SPATA7: variants seen among roughly 807,000 people sequenced by gnomAD.
SPATA7 encodes the protein spermatogenesis associated 7.
Under a neutral mutation model 51.8 loss-of-function variants are expected in SPATA7, and 43 were observed. The ratio of observed to expected loss-of-function variants is 0.83; its 90% CI spans 0.65 to 1.07. The LOEUF (loss-of-function observed/expected upper bound fraction) is 1.07, where lower values mean the gene tolerates loss of function less well. SPATA7 is among the 50% of genes least tolerant of loss of function. The pLI, the probability that SPATA7 is intolerant of heterozygous loss-of-function variation, is 0.00. For synonymous variants in SPATA7, 230 were observed against 252.8 expected (o/e 0.91, Z 0.86); for missense variants, 683 against 701.3 (o/e 0.97, Z 0.30).
Position 88,469,432 on chromosome 14 carries a change from T to G in SPATA7, c.255-415T>G. On this transcript the variant is annotated intron_variant, in intron 4 of 4. Coordinates refer to the SPATA7 transcript ENST00000556406. This position sits in a 1 kb window ranked among gnomAD's most constrained non-coding sequence, Gnocchi z 4.3. The stretch of plus-strand genomic sequence containing the variant: ...ACATAAAGGAAATATTTCGGAAACA[T>G]AAATGTTCCTCTCTGTTTAACACCT... 1 of 1,329,844 alleles carries G rather than the reference T, an allele frequency of 7.5e-7. No homozygotes were observed. Among genetic ancestry groups the G allele is most frequent in the Non-Finnish European group, 1.1e-6 (1 of 930,066 alleles). The allele number at this position is 1,329,844 out of a possible 1,614,324, so 82.4% of individuals were successfully genotyped here.
In SPATA7 at chr14:88,393,421, A is replaced by T. The variant is rs1163417502; in HGVS notation, c.123A>T (p.Arg41Ser). Residue 41 changes from arginine (R) to serine (S), a missense_variant, in exon 3 of 12, where the codon AGA becomes AGT. By Grantham distance (110) the Arg-to-Ser change is moderately radical. Transcript: ENST00000393545. The part of the protein sequence containing the change: ...NAFCTDSSSL[R>S]LSTLQLVKNH... ...TTTGCACTGACTCCTCTTCTCTCAG[A>T]CTAAGCACTCTCCAGCTGGTCAAGA... 3.7e-6 allele frequency: 6 copies of T among 1,603,726 alleles called. No individual in the cohort carries two copies. Among genetic ancestry groups the T allele is most frequent in the Non-Finnish European group, 5.1e-6 (6 of 1,174,180 alleles).
chr14:88,438,410 T>G lies in SPATA7; in HGVS notation c.1788T>G (p.Pro596=), dbSNP rs1325875445. 1 of 1,612,076 alleles carries G rather than the reference T, an allele frequency of 6.2e-7. No homozygotes were observed. Among genetic ancestry groups the G allele is most frequent in the Admixed American group, 1.7e-5 (1 of 59,924 alleles). ...KIMEMSIEDC[P]LDV ...TGGAAATGAGCATTGAGGACTGCCC[T>G]TTGGATGTTTAATCTTCATTAATAA... is the stretch of plus-strand genomic sequence containing the variant. Residue 596 remains proline, a synonymous_variant, in exon 12 of 12, where the codon CCT becomes CCG. Coordinates refer to ENST00000393545, the MANE Select transcript of SPATA7 (RefSeq NM_018418.5).
At chr14:88,452,644 G>A (rs368803538) in intron 3 of SPATA7, among the ~76,000 whole-genome samples, 3 of 152,182 alleles carry the variant, frequency 2.0e-5, no homozygotes, top group Admixed American at 6.5e-5. Context: ...GTTTCCACAC[G>A]CTGCTCTGTC....
chr14:88,435,469 A>G (rs1315402232), intron 10 of SPATA7, among the ~76,000 whole-genome samples: 1 of 152,138 alleles, frequency 6.6e-6, no homozygotes, highest in African/African-American at 2.4e-5. Context: ...TTTTAAATGT[A>G]CAATTAAGTT....
chr14:88,401,906 T>C (rs1290983825), intron 4 of SPATA7, among the ~76,000 whole-genome samples: 1 of 127,014 alleles, frequency 7.9e-6, no homozygotes, highest in Non-Finnish European at 1.7e-5. Context: ...ATATGTAGAA[T>C]ACCCTAATGC....
intron 5 of SPATA7, among the ~76,000 whole-genome samples, chr14:88,422,385 G>T (rs1448810843): frequency 6.6e-6 from 1 of 151,964 alleles, no homozygotes; most frequent in Non-Finnish European, 1.5e-5. Context: ...TGCTATCTGG[G>T]ATTCTGTTCC....
chr14:88,452,355 C>T (rs2077256370), intron 3 of SPATA7, among the ~76,000 whole-genome samples: 1 of 152,022 alleles, frequency 6.6e-6, no homozygotes, highest in Non-Finnish European at 1.5e-5. Context: ...TGTGAGGGTC[C>T]TTGGTTGTAT....
chr14:88,395,793 C>A (rs2075863258), intron 3 of SPATA7, among the ~76,000 whole-genome samples: 1 of 152,042 alleles, frequency 6.6e-6, no homozygotes, highest in Non-Finnish European at 1.5e-5. Context: ...ATCTTTAAGC[C>A]CCATGCCACA....
At chr14:88,409,153 A>G (rs2076272911) in intron 4 of SPATA7, among the ~76,000 whole-genome samples, 1 of 152,144 alleles carries the variant, frequency 6.6e-6, no homozygotes. Flanking sequence ...GTTGTTTGGA[A>G]TAGCTTCAAA....
At chr14:88,429,506 G>A (rs778044266) in intron 8 of SPATA7, 43 bp downstream of exon 8, 25 of 1,269,328 alleles carry the variant, frequency 2.0e-5, no homozygotes, top group South Asian at 6.0e-5. Flanking sequence ...GTCTTTAATT[G>A]CCTTCTTGTA....
intron 2 of SPATA7, 39 bp downstream of exon 2, chr14:88,391,494 TTGTC>T (rs760910788): frequency 8.4e-6 from 13 of 1,556,184 alleles, no homozygotes; most frequent in African/African-American, 5.4e-5. Flanking sequence ...TGTTAGAAGA[TTGTC>T]TGAGTGTTTC....
At chr14:88,460,312 T>G (rs1157798486) in intron 4 of SPATA7, among the ~76,000 whole-genome samples, 1 of 152,214 alleles carries the variant, frequency 6.6e-6, no homozygotes, top group Non-Finnish European at 1.5e-5. Context: ...GTTTTCCAAC[T>G]TGGTTCCATT....
At chr14:88,393,269 A>G (rs138133101) in intron 2 of SPATA7, 124 bp from the exon 3 acceptor site, 17 of 695,026 alleles carry the variant, frequency 2.4e-5, no homozygotes, top group Admixed American at 9.8e-5. Context: ...ACAATGTCAT[A>G]TATCAATATC....
chr14:88,431,421 A>G (rs2076937219), intron 9 of SPATA7, among the ~76,000 whole-genome samples, 196 bp downstream of exon 9: 1 of 152,202 alleles, frequency 6.6e-6, no homozygotes, highest in African/African-American at 2.4e-5. Context: ...TTTAATTAGC[A>G]TATCCATCAT....
intron 4 of SPATA7, among the ~76,000 whole-genome samples, chr14:88,461,426 G>T (rs1020091713): frequency 6.6e-6 from 1 of 152,164 alleles, no homozygotes; most frequent in Admixed American, 6.5e-5. Context: ...CCCTCCCCCA[G>T]CCTCGCTGCC....
In SPATA7 at chr14:88,469,076, G is replaced by T; in HGVS notation, c.255-771G>T. ...AACAGACTGGATCTCTTCAAGATAT[G>T]CTGTGGAAAATCAATGAAATAGAAA... On this transcript the variant is annotated intron_variant, in intron 4 of 4. Coordinates refer to the SPATA7 transcript ENST00000556406. This position sits in a 1 kb window ranked among gnomAD's most constrained non-coding sequence, Gnocchi z 4.3. 1 of 1,606,002 alleles carries T rather than the reference G, an allele frequency of 6.2e-7. No individual in the cohort carries two copies. Among genetic ancestry groups the T allele is most frequent in the Non-Finnish European group, 8.5e-7 (1 of 1,174,094 alleles).
chr14:88,398,081 C>CA (rs34493988), intron 4 of SPATA7, among the ~76,000 whole-genome samples: 34,874 of 139,192 alleles, frequency 0.25, 4,185 homozygotes, highest in East Asian at 0.31. Flanking sequence ...GACACCGTCT[C>CA]AAAAAAAAAA....
At chr14:88,451,486 A>T (rs781029827) in intron 3 of SPATA7, among the ~76,000 whole-genome samples, 1 of 148,700 alleles carries the variant, frequency 6.7e-6, no homozygotes, top group Admixed American at 6.7e-5. Context: ...TTTTTTACTT[A>T]TGCTATTTCA....
chr14:88,404,328 T>C (rs1454877543), intron 4 of SPATA7, among the ~76,000 whole-genome samples: 1 of 152,172 alleles, frequency 6.6e-6, no homozygotes, highest in Non-Finnish European at 1.5e-5. Flanking sequence ...CTTGACAAAA[T>C]GTTCCAAAAT....
Sources: allele counts gnomAD v4.1 joint callset (sites outside exome capture counted in the v4.1 genomes callset), GRCh38; gene constraint gnomAD v4.1.1; non-coding constraint Gnocchi (gnomAD v3.1); transcripts MANE v1.5; gene names NCBI Gene and HGNC (gene_info 2026-07-23, HGNC 2026-07-21).